Variants in MYCBP2 observed in about 807,000 individuals in gnomAD.
MYCBP2 encodes MYC binding protein 2.
In MYCBP2, 120 loss-of-function variants were observed where a neutral mutation model predicts 525.3. The observed-to-expected ratio is 0.23, with a 90% CI of 0.20 to 0.27. MYCBP2 has a LOEUF of 0.27. MYCBP2 is among the 10% of genes least tolerant of loss of function. The pLI, the probability that MYCBP2 is intolerant of heterozygous loss-of-function variation, is 1.00. For missense variants in MYCBP2, 4,149 were observed against 5,657.1 expected (o/e 0.73, Z 8.55); for synonymous variants, 1,894 against 1,955.8 (o/e 0.97, Z 0.83).
At chr13:77,128,999 T>C (rs2052226943) in intron 52 of MYCBP2, 1 of 385,262 alleles carries the variant, frequency 2.6e-6, no homozygotes, top group Non-Finnish European at 4.6e-6. Context: ...ACATTCTTTT[T>C]GGCAGGAGTG....
chr13:77,124,124 T>C (rs1594747091), intron 54 of MYCBP2, among the ~76,000 whole-genome samples: 1 of 152,160 alleles, frequency 6.6e-6, no homozygotes, highest in Non-Finnish European at 1.5e-5. Context: ...GTGTAATGAG[T>C]ACAGCATTTA....
At chr13:77,160,623 C>T (rs878864566) in intron 44 of MYCBP2, among the ~76,000 whole-genome samples, 1 of 151,996 alleles carries the variant, frequency 6.6e-6, no homozygotes, top group Admixed American at 6.6e-5. Flanking sequence ...ATACTGATTT[C>T]GAAGTGTAAT....
At chr13:77,076,883 G>T in intron 67 of MYCBP2, 34 bp from the exon 68 acceptor site, 1 of 1,488,532 alleles carries the variant, frequency 6.7e-7, no homozygotes, top group South Asian at 1.2e-5. Flanking sequence ...AGGAATTAAT[G>T]ACAGGCATTA....
At chr13:77,047,326 C>T (rs1359514022) in intron 82 of MYCBP2, among the ~76,000 whole-genome samples, 1 of 152,100 alleles carries the variant, frequency 6.6e-6, no homozygotes, top group Non-Finnish European at 1.5e-5. Flanking sequence ...TTAGATACCT[C>T]ATCTTTAAAA....
intron 48 of MYCBP2, 41 bp from the exon 49 acceptor site, chr13:77,144,601 GT>G (rs1229855697): frequency 8.3e-6 from 11 of 1,332,356 alleles, no homozygotes; most frequent in Non-Finnish European, 1.2e-5. Context: ...TTTACTTTTG[GT>G]TAAGCAGTCA....
At chr13:77,200,745 C>T (rs1405491155) in intron 26 of MYCBP2, among the ~76,000 whole-genome samples, 1 of 152,184 alleles carries the variant, frequency 6.6e-6, no homozygotes, top group Non-Finnish European at 1.5e-5. Flanking sequence ...ATTCAACATT[C>T]TTTAAGAAAA....
chr13:77,269,009 G>A (rs1446700485), intron 7 of MYCBP2, among the ~76,000 whole-genome samples: 1 of 152,148 alleles, frequency 6.6e-6, no homozygotes, highest in Admixed American at 6.5e-5. Context: ...GGTAGGTACT[G>A]TATGGAAAAA....
At chr13:77,162,363 A>G (rs1020114058) in intron 43 of MYCBP2, among the ~76,000 whole-genome samples, 9 of 152,256 alleles carry the variant, frequency 5.9e-5, no homozygotes, top group Admixed American at 5.2e-4. Flanking sequence ...ACAGAAAAAT[A>G]TAAGGCAGTG....
intron 82 of MYCBP2, among the ~76,000 whole-genome samples, chr13:77,046,845 G>A (rs1486772054): frequency 6.6e-6 from 1 of 152,172 alleles, no homozygotes; most frequent in East Asian, 1.9e-4. Flanking sequence ...AATTATTCCT[G>A]TTAGAAAGTA....
chr13:77,260,638 A>G, intron 12 of MYCBP2, 46 bp from the exon 13 acceptor site: 1 of 1,419,418 alleles, frequency 7.0e-7, no homozygotes, highest in Non-Finnish European at 9.6e-7. Context: ...ATGTACAAAT[A>G]ATAATAATAA....
chr13:77,125,215 G>A (rs1566621839), intron 54 of MYCBP2, 121 bp downstream of exon 54: 24 of 1,259,922 alleles, frequency 1.9e-5, no homozygotes, highest in Non-Finnish European at 2.6e-5. Flanking sequence ...TTAACTTTTA[G>A]TTTTGCTTGT....
At chr13:77,171,376 A>C in intron 38 of MYCBP2, 116 bp downstream of exon 38, 1 of 1,034,262 alleles carries the variant, frequency 9.7e-7, no homozygotes, top group Non-Finnish European at 1.4e-6. Context: ...GGATCTATAA[A>C]TAACACTTAG....
rs186395572 is a variant in MYCBP2 at position 77,077,025 on chromosome 13, G to C, written c.11724+123C>G. Reference sequence around the variant, plus strand: ...ACTCAGGTGTTTAGGGCTATGAAAAGAAAAAATGGGCAACATTTATAGCCA... The same window carrying C: ...ACTCAGGTGTTTAGGGCTATGAAAACAAAAAATGGGCAACATTTATAGCCA... On this transcript the variant is annotated intron_variant, in intron 67 of 82. Transcript: ENST00000544440. 1,045 of 1,382,454 alleles carry C rather than the reference G, an allele frequency of 7.6e-4. 4 individuals are homozygous for C. Among genetic ancestry groups the C allele is most frequent in the South Asian group, 1.4e-3 (97 of 70,484 alleles). 85.6% of individuals were successfully genotyped at this position (1,382,454 alleles called of 1,614,324 possible). A position where few individuals can be genotyped will look rare whatever the true frequency, so the allele number is the denominator to read the frequency against.
intron 48 of MYCBP2, 97 bp from the exon 49 acceptor site, chr13:77,144,657 C>T (rs1187479421): frequency 1.1e-5 from 9 of 821,674 alleles, no homozygotes; most frequent in Non-Finnish European, 1.7e-5. Context: ...GTTTGCATAC[C>T]TCCTGGCAAT....
intron 82 of MYCBP2, among the ~76,000 whole-genome samples, chr13:77,050,278 TC>T (rs2036511231): frequency 6.6e-6 from 1 of 152,148 alleles, no homozygotes; most frequent in Admixed American, 6.5e-5. Flanking sequence ...GTGTGTGTTT[TC>T]TAGCTTTGAC....
At chr13:77,171,467 A>C (rs1445059915) in intron 38 of MYCBP2, 25 bp downstream of exon 38, 1 of 1,600,278 alleles carries the variant, frequency 6.2e-7, no homozygotes, top group Non-Finnish European at 8.5e-7. Flanking sequence ...CTAAAATATG[A>C]CTACTGAGAA....
Position 77,070,621 on chromosome 13 carries a change from G to A in MYCBP2, c.11904+10C>T. 6.3e-7 allele frequency: 1 copy of A among 1,590,464 alleles called. No homozygotes were observed. Among genetic ancestry groups the A allele is most frequent in the Non-Finnish European group, 8.6e-7 (1 of 1,163,114 alleles). On this transcript the variant is annotated intron_variant, in intron 69 of 82. Transcript: ENST00000544440. ...AACTAATGAAGACAATGAAATAGCT[G>A]TTAACCAACCTGTTTTTGTAAGTTA... is the stretch of plus-strand genomic sequence containing the variant.
At chr13:77,299,079 T>C (rs1345675527) in intron 1 of MYCBP2, among the ~76,000 whole-genome samples, 1 of 152,210 alleles carries the variant, frequency 6.6e-6, no homozygotes, top group African/African-American at 2.4e-5. Flanking sequence ...GCAACAGGAA[T>C]ACATAACTAC....
chr13:77,185,474 T>C, intron 31 of MYCBP2, 97 bp from the exon 32 acceptor site: 1 of 1,231,972 alleles, frequency 8.1e-7, no homozygotes, highest in Non-Finnish European at 1.1e-6. Flanking sequence ...CAGCTAAGTA[T>C]CACAAGTACT....
Sources: allele counts gnomAD v4.1 joint callset (sites outside exome capture counted in the v4.1 genomes callset), GRCh38; gene constraint gnomAD v4.1.1; transcripts MANE v1.5; gene names NCBI Gene and HGNC (gene_info 2026-07-23, HGNC 2026-07-21).